The following RIGI variants were observed in gnomAD, a reference collection of about 807,000 sequenced individuals.
The protein encoded by RIGI is RNA sensor RIG-I, also known as antiviral innate immune response receptor RIG-I.
the RIGI span, chr9:32,491,358 A>C: frequency 6.2e-7 from 1 of 1,613,586 alleles, no homozygotes; most frequent in Non-Finnish European, 8.5e-7. Flanking sequence ...TCTTGGTAGA[A>C]AATCTGTATG....
the RIGI span, among the ~76,000 whole-genome samples, chr9:32,483,273 G>A: frequency 6.6e-6 from 1 of 152,146 alleles, no homozygotes; most frequent in Non-Finnish European, 1.5e-5. Flanking sequence ...AACAAAGGAG[G>A]CTACCCAAAC....
chr9:32,495,659 C>CTTTT, the RIGI span, among the ~76,000 whole-genome samples: 3 of 120,766 alleles, frequency 2.5e-5, no homozygotes, highest in East Asian at 2.4e-4. Context: ...AGTCCTTTGC[C>CTTTT]TTTTTTTTTT....
At chr9:32,502,320 T>C in the RIGI span, among the ~76,000 whole-genome samples, 2 of 152,260 alleles carry the variant, frequency 1.3e-5, no homozygotes, top group African/African-American at 4.8e-5. Flanking sequence ...TGAACATTCA[T>C]GAGCAATTTT....
At chr9:32,496,618 C>T in the RIGI span, among the ~76,000 whole-genome samples, 1 of 152,234 alleles carries the variant, frequency 6.6e-6, no homozygotes, top group Non-Finnish European at 1.5e-5. Context: ...TGGGACATCT[C>T]AGCCTCCACA....
the RIGI span, among the ~76,000 whole-genome samples, chr9:32,518,067 G>A: frequency 1.3e-5 from 2 of 152,022 alleles, no homozygotes; most frequent in Non-Finnish European, 2.9e-5. Context: ...GGTTTTTACT[G>A]AAATTTAAGG....
chr9:32,500,926 A>G, the RIGI span: 2 of 1,613,974 alleles, frequency 1.2e-6, no homozygotes, highest in East Asian at 2.2e-5. Context: ...CAGCCTGAAT[A>G]TACTGCACCT....
the RIGI span, among the ~76,000 whole-genome samples, chr9:32,514,819 C>T: frequency 5.2e-3 from 796 of 152,262 alleles, 7 homozygotes; most frequent in Middle Eastern, 0.014. Context: ...TCAACATTCA[C>T]GACCAATCCT....
At chr9:32,496,974 T>G in the RIGI span, among the ~76,000 whole-genome samples, 1 of 152,204 alleles carries the variant, frequency 6.6e-6, no homozygotes, top group Admixed American at 6.5e-5. Flanking sequence ...TGTTTTGAAA[T>G]TAGGAGAGGT....
the RIGI span, among the ~76,000 whole-genome samples, chr9:32,519,534 A>G: frequency 6.6e-6 from 1 of 152,232 alleles, no homozygotes; most frequent in African/African-American, 2.4e-5. Flanking sequence ...CAGAAATAGT[A>G]CATTATTATT....
the RIGI span, among the ~76,000 whole-genome samples, chr9:32,503,532 A>C: frequency 2.6e-5 from 4 of 151,978 alleles, no homozygotes; most frequent in Non-Finnish European, 4.4e-5. Flanking sequence ...CTCTTTATTG[A>C]CTACTGACTA....
chr9:32,518,758 T>C, the RIGI span, among the ~76,000 whole-genome samples: 21 of 152,234 alleles, frequency 1.4e-4, no homozygotes, highest in South Asian at 2.1e-4. Flanking sequence ...CATGCTTGCA[T>C]TGCTTCACAC....
chr9:32,459,593 C>A, the RIGI span: 1 of 1,329,828 alleles, frequency 7.5e-7, no homozygotes, highest in Non-Finnish European at 1.0e-6. Context: ...ACGTACAATA[C>A]ATATACATGC....
At chr9:32,522,849 C>G in the RIGI span, among the ~76,000 whole-genome samples, 5 of 152,174 alleles carry the variant, frequency 3.3e-5, no homozygotes, top group East Asian at 9.6e-4. Flanking sequence ...CACAATAGTC[C>G]CATATACAAT....
At chr9:32,487,778 A>G in the RIGI span, 19 of 1,243,872 alleles carry the variant, frequency 1.5e-5, no homozygotes, top group African/African-American at 2.7e-4. Context: ...CACATAATGC[A>G]TATTTACTAA....
At chr9:32,470,318 G>A in the RIGI span, among the ~76,000 whole-genome samples, 3 of 152,176 alleles carry the variant, frequency 2.0e-5, no homozygotes, top group South Asian at 6.2e-4. Context: ...TTTCCATAAG[G>A]GCTAGATGTA....
the RIGI span, among the ~76,000 whole-genome samples, chr9:32,455,454 C>CACTT: frequency 6.6e-6 from 1 of 152,012 alleles, no homozygotes; most frequent in East Asian, 1.9e-4. Context: ...AATTGTCAAA[C>CACTT]ACTTATAAAA....
chr9:32,466,243 CT>C, the RIGI span: 1 of 1,596,106 alleles, frequency 6.3e-7, no homozygotes, highest in Non-Finnish European at 8.6e-7. Flanking sequence ...CTCACATTCC[CT>C]GATAGTTATT....
At chr9:32,513,417 A>G in the RIGI span, among the ~76,000 whole-genome samples, 2 of 152,220 alleles carry the variant, frequency 1.3e-5, no homozygotes, top group Admixed American at 6.5e-5. Flanking sequence ...CATCAGAAAT[A>G]ATGCCACACA....
At chr9:32,485,534 T>G in the RIGI span, 1 of 319,564 alleles carries the variant, frequency 3.1e-6, no homozygotes, top group Non-Finnish European at 6.1e-6. Flanking sequence ...CTAGCTTCTT[T>G]TTTTTTTTTT....
Sources: allele counts gnomAD v4.1 joint callset (sites outside exome capture counted in the v4.1 genomes callset), GRCh38; gene constraint gnomAD v4.1.1; transcripts MANE v1.5; gene names NCBI Gene and HGNC (gene_info 2026-07-23, HGNC 2026-07-21).